Variants in SORCS2 observed in about 807,000 individuals in gnomAD.
SORCS2 encodes VPS10 domain-containing receptor SorCS2.
In SORCS2, 100 loss-of-function variants were observed where a neutral mutation model predicts 141.6. The observed-to-expected ratio is 0.71, with a 90% CI of 0.60 to 0.83. The LOEUF is 0.83. Among genes scored for constraint, SORCS2 ranks in the 40% least tolerant of loss-of-function variants. SORCS2 has a pLI of 0.00. For synonymous variants in SORCS2, 789 were observed against 676.9 expected (o/e 1.17, Z -2.57); for missense variants, 1,646 against 1,560.2 (o/e 1.05, Z -0.93).
intron 3 of SORCS2, among the ~76,000 whole-genome samples, chr4:7,606,858 A>G (rs1233852497): frequency 6.6e-6 from 1 of 152,130 alleles, no homozygotes; most frequent in African/African-American, 2.4e-5. Context: ...ATAATAATGC[A>G]CCCATAATTA....
intron 2 of SORCS2, among the ~76,000 whole-genome samples, chr4:7,413,665 G>A (rs139414812): frequency 0.033 from 5,021 of 152,262 alleles, 142 homozygotes; most frequent in Non-Finnish European, 0.047. Flanking sequence ...TGGGATTACA[G>A]GCGTGAGCCA....
In SORCS2 at chr4:7,225,664, G is replaced by A. The variant is rs78442075; in HGVS notation, c.480+32538G>A. ...GTTGCTGCTAGACTGGGCTGGAGCTGGTGCACGGGGGCTGCATGGATGTCT... is the reference window on the plus strand; with the variant it reads ...GTTGCTGCTAGACTGGGCTGGAGCTAGTGCACGGGGGCTGCATGGATGTCT... On this transcript the variant is annotated intron_variant, in intron 1 of 26. Transcript: ENST00000507866. Among the ~76,000 whole-genome samples the A allele has an allele frequency of 1.3e-4, 20 of 152,258 alleles. No individual in the cohort carries two copies. The East Asian group carries it at 3.9e-3, about 29-fold the overall frequency.
At chr4:7,412,365 A>C (rs2109157763) in intron 2 of SORCS2, among the ~76,000 whole-genome samples, 1 of 152,330 alleles carries the variant, frequency 6.6e-6, no homozygotes, top group Non-Finnish European at 1.5e-5. Flanking sequence ...CTTCTGCTCC[A>C]GCCAGAGCGT....
intron 2 of SORCS2, among the ~76,000 whole-genome samples, chr4:7,521,291 C>T (rs192042880): frequency 2.6e-5 from 4 of 152,264 alleles, no homozygotes; most frequent in Admixed American, 1.3e-4. Context: ...TTCGCTGCTG[C>T]GTATTTGGGT....
intron 2 of SORCS2, among the ~76,000 whole-genome samples, chr4:7,484,732 G>C (rs1020018396): frequency 6.6e-6 from 1 of 152,054 alleles, no homozygotes; most frequent in African/African-American, 2.4e-5. Flanking sequence ...CAAGTTAAAC[G>C]ACAGCCTGAG....
At chr4:7,195,304 A>C (rs1239935001) in intron 1 of SORCS2, among the ~76,000 whole-genome samples, 4 of 152,184 alleles carry the variant, frequency 2.6e-5, no homozygotes, top group Admixed American at 2.0e-4. Flanking sequence ...TCCTCTGGTC[A>C]GCATGAGGCG....
At chr4:7,270,570 A>G (rs1309947685) in intron 1 of SORCS2, among the ~76,000 whole-genome samples, 1 of 152,358 alleles carries the variant, frequency 6.6e-6, no homozygotes, top group East Asian at 1.9e-4. Context: ...TTGAAAAGTC[A>G]TGTCTGGGGA....
At chr4:7,393,298 C>T (rs1196245956) in intron 1 of SORCS2, among the ~76,000 whole-genome samples, 1 of 152,154 alleles carries the variant, frequency 6.6e-6, no homozygotes, top group Non-Finnish European at 1.5e-5. Context: ...GACTCACATT[C>T]CCGATTTTTC....
At chr4:7,393,200 C>T (rs1723977852) in intron 1 of SORCS2, among the ~76,000 whole-genome samples, 1 of 152,084 alleles carries the variant, frequency 6.6e-6, no homozygotes, top group African/African-American at 2.4e-5. Context: ...CATTCCTGGC[C>T]GTCTGGGAAA....
At chr4:7,574,793 C>T (rs1200979368) in intron 3 of SORCS2, among the ~76,000 whole-genome samples, 1 of 152,204 alleles carries the variant, frequency 6.6e-6, no homozygotes, top group Non-Finnish European at 1.5e-5. Flanking sequence ...CTGCCTCATT[C>T]ATCTGAAAGA....
intron 23 of SORCS2, among the ~76,000 whole-genome samples, chr4:7,730,575 A>T (rs1416714829): frequency 6.6e-6 from 1 of 152,252 alleles, no homozygotes; most frequent in Non-Finnish European, 1.5e-5. Flanking sequence ...GAAGCCCTTG[A>T]CACCTCTGAC....
In SORCS2 at chr4:7,477,199, C is replaced by T. The variant is rs73088053; in HGVS notation, c.549-54331C>T. Among the ~76,000 whole-genome samples, 534 of 151,408 alleles carry T rather than the reference C, an allele frequency of 3.5e-3. 4 individuals carry two copies. The highest frequency in any genetic ancestry group is 0.012 in the African/African-American group (506 of 41,316). ...TCTCTAGATAAGACGTGGCCTCCGG[C>T]ACCAAGGCAGGTCCAAATCTTGGGA... On this transcript the variant is annotated intron_variant, in intron 2 of 26. Coordinates refer to ENST00000507866, the MANE Select transcript of SORCS2 (RefSeq NM_020777.3).
chr4:7,562,807 C>T (rs1577755359), intron 3 of SORCS2, among the ~76,000 whole-genome samples: 1 of 152,200 alleles, frequency 6.6e-6, no homozygotes, highest in Non-Finnish European at 1.5e-5. Context: ...GGCCACCCCA[C>T]TCCATCTCTG....
At chr4:7,398,541 T>C (rs1451437756) in intron 2 of SORCS2, among the ~76,000 whole-genome samples, 1 of 152,242 alleles carries the variant, frequency 6.6e-6, no homozygotes, top group Non-Finnish European at 1.5e-5. Flanking sequence ...TAAAAATGCT[T>C]GCAGAGACAT....
At chr4:7,705,179 G>T (rs566948516) in intron 14 of SORCS2, among the ~76,000 whole-genome samples, 1 of 152,094 alleles carries the variant, frequency 6.6e-6, no homozygotes, top group Non-Finnish European at 1.5e-5. Flanking sequence ...GGAGGAGGCC[G>T]GGGAGGGAGG....
chr4:7,477,020 C>G (rs1036699259), intron 2 of SORCS2, among the ~76,000 whole-genome samples: 1 of 152,250 alleles, frequency 6.6e-6, no homozygotes, highest in Non-Finnish European at 1.5e-5. Flanking sequence ...AGGGCCCCAG[C>G]TGCAGACACG....
chr4:7,609,576 G>T (rs1364651677), intron 3 of SORCS2, among the ~76,000 whole-genome samples: 1 of 152,192 alleles, frequency 6.6e-6, no homozygotes, highest in Non-Finnish European at 1.5e-5. Flanking sequence ...TCCAGACTGT[G>T]AGCCTTGCAG....
At chr4:7,194,181 C>G (rs970688622) in intron 1 of SORCS2, among the ~76,000 whole-genome samples, 1 of 152,102 alleles carries the variant, frequency 6.6e-6, no homozygotes, top group Non-Finnish European at 1.5e-5. Flanking sequence ...ATGGAAGCCT[C>G]CCCTCATTTC....
intron 1 of SORCS2, among the ~76,000 whole-genome samples, chr4:7,307,515 G>A (rs1717907936): frequency 1.3e-5 from 2 of 152,238 alleles, no homozygotes. Context: ...CTGGCCGCTT[G>A]GGGGTGGGGA....
Sources: allele counts gnomAD v4.1 joint callset (sites outside exome capture counted in the v4.1 genomes callset), GRCh38; gene constraint gnomAD v4.1.1; transcripts MANE v1.5; gene names NCBI Gene and HGNC (gene_info 2026-07-23, HGNC 2026-07-21).